Variants in KIAA1217 observed in about 807,000 individuals in gnomAD.
KIAA1217 encodes KIAA1217.
In KIAA1217, 88 loss-of-function variants were observed where a neutral mutation model predicts 163.9. That is an observed-to-expected ratio of 0.54 (90% CI 0.45 to 0.64). The LOEUF (loss-of-function observed/expected upper bound fraction) is 0.64. Among genes scored for constraint, KIAA1217 ranks in the 30% least tolerant of loss-of-function variants. The pLI is 0.00. For missense variants in KIAA1217, 2,372 were observed against 2,475.0 expected, an observed-to-expected ratio of 0.96 and a Z score of 0.88; for synonymous variants, 903 against 923.1, an observed-to-expected ratio of 0.98 and a Z score of 0.39.
intron 2 of KIAA1217, among the ~76,000 whole-genome samples, chr10:24,196,669 A>C (rs968810904): frequency 1.3e-5 from 2 of 152,184 alleles, no homozygotes; most frequent in Non-Finnish European, 2.9e-5. Flanking sequence ...TGCTGGTGAC[A>C]GTTGCGTCCC....
intron 3 of KIAA1217, among the ~76,000 whole-genome samples, chr10:24,388,302 G>T (rs1321794124): frequency 6.6e-6 from 1 of 152,164 alleles, no homozygotes; most frequent in Non-Finnish European, 1.5e-5. Context: ...CAAGCAATGG[G>T]GAAAGGATTC....
chr10:23,964,536 A>G (rs967000714), intron 1 of KIAA1217, among the ~76,000 whole-genome samples: 1 of 151,766 alleles, frequency 6.6e-6, no homozygotes, highest in African/African-American at 2.4e-5. Flanking sequence ...GTTTTCTTCT[A>G]GGGTTTTTAT....
intron 5 of KIAA1217, among the ~76,000 whole-genome samples, chr10:24,468,197 C>G (rs2063149755): frequency 6.6e-6 from 1 of 152,102 alleles, no homozygotes; most frequent in Non-Finnish European, 1.5e-5. Flanking sequence ...CAGTGATGTC[C>G]CCTTACCTTC....
At chr10:24,095,874 G>A (rs2062139186) in intron 2 of KIAA1217, among the ~76,000 whole-genome samples, 2 of 152,304 alleles carry the variant, frequency 1.3e-5, no homozygotes, top group South Asian at 2.1e-4. Flanking sequence ...GGGAGGCCAA[G>A]ATGGTAGGAT....
At chr10:23,858,642 C>T (rs1839815169) in intron 1 of KIAA1217, among the ~76,000 whole-genome samples, 1 of 152,086 alleles carries the variant, frequency 6.6e-6, no homozygotes, top group South Asian at 2.1e-4. Flanking sequence ...AGTCTAATTT[C>T]AGTCATAATC....
chr10:24,510,191 A>G (rs1319589761), intron 9 of KIAA1217, among the ~76,000 whole-genome samples: 1 of 152,182 alleles, frequency 6.6e-6, no homozygotes, highest in African/African-American at 2.4e-5. Flanking sequence ...TTCTAATCCT[A>G]ACTGTGCTCT....
chr10:23,977,187 G>A (rs1845577437), intron 1 of KIAA1217, among the ~76,000 whole-genome samples: 1 of 152,170 alleles, frequency 6.6e-6, no homozygotes, highest in African/African-American at 2.4e-5. Context: ...TGATTTGGTT[G>A]TAAGAAGAGA....
chr10:23,750,763 T>G (rs1385529142), intron 1 of KIAA1217, among the ~76,000 whole-genome samples: 1 of 152,144 alleles, frequency 6.6e-6, no homozygotes, highest in Non-Finnish European at 1.5e-5. Context: ...GTGGCACAAA[T>G]GCAGGAGGCT....
chr10:23,929,001 C>A (rs1843142570), intron 1 of KIAA1217, among the ~76,000 whole-genome samples: 1 of 152,118 alleles, frequency 6.6e-6, no homozygotes, highest in Non-Finnish European at 1.5e-5. Flanking sequence ...CCAGCGTACA[C>A]AAGCTTGGCA....
intron 2 of KIAA1217, among the ~76,000 whole-genome samples, chr10:24,185,602 C>A (rs2066390053): frequency 6.6e-6 from 1 of 151,990 alleles, no homozygotes; most frequent in Non-Finnish European, 1.5e-5. Context: ...CGAGACCAGC[C>A]TGGCCAACAT....
chr10:24,311,438 A>G (rs906310679), intron 2 of KIAA1217, among the ~76,000 whole-genome samples: 27 of 152,234 alleles, frequency 1.8e-4, no homozygotes, highest in Non-Finnish European at 2.9e-5. Context: ...TGAAGGAATC[A>G]GCGATGTTTG....
At chr10:24,533,948 A>G (rs1231942866) in intron 16 of KIAA1217, among the ~76,000 whole-genome samples, 1 of 152,220 alleles carries the variant, frequency 6.6e-6, no homozygotes, top group African/African-American at 2.4e-5. Flanking sequence ...TTGTCTCATC[A>G]GAGACATATA....
At chr10:23,700,322 C>T (rs548810232) in intron 1 of KIAA1217, among the ~76,000 whole-genome samples, 9 of 152,230 alleles carry the variant, frequency 5.9e-5, no homozygotes, top group African/African-American at 2.2e-4. Flanking sequence ...GCAGCCGAGA[C>T]CAAGCTGCAG....
intron 12 of KIAA1217, among the ~76,000 whole-genome samples, chr10:24,523,680 C>A (rs1441799626): frequency 6.6e-6 from 1 of 152,084 alleles, no homozygotes; most frequent in Non-Finnish European, 1.5e-5. Context: ...GCAAAAGCAC[C>A]TGAGGCTTAA....
intron 1 of KIAA1217, among the ~76,000 whole-genome samples, chr10:23,963,565 G>A (rs1438030646): frequency 5.3e-5 from 8 of 152,100 alleles, no homozygotes; most frequent in South Asian, 2.1e-4. Flanking sequence ...GAACAGTGCC[G>A]CAATAAACAT....
intron 6 of KIAA1217, among the ~76,000 whole-genome samples, chr10:24,479,741 A>G (rs183086630): frequency 5.9e-5 from 9 of 152,316 alleles, no homozygotes; most frequent in African/African-American, 1.9e-4. Context: ...TTTGTGCTGC[A>G]TCATAGCATG....
At chr10:24,299,529 G>T (rs909060027) in intron 2 of KIAA1217, among the ~76,000 whole-genome samples, 3 of 152,056 alleles carry the variant, frequency 2.0e-5, no homozygotes, top group Admixed American at 6.6e-5. Flanking sequence ...CTCCCAAGTA[G>T]CTGAGACCAT....
chr10:23,743,844 T>A (rs1296668844), intron 1 of KIAA1217, among the ~76,000 whole-genome samples: 2 of 152,114 alleles, frequency 1.3e-5, no homozygotes, highest in Non-Finnish European at 2.9e-5. Context: ...ATTGGGCTGA[T>A]GTTTGAATGT....
chr10:23,857,061 G>A (rs900597159), intron 1 of KIAA1217, among the ~76,000 whole-genome samples: 14 of 152,188 alleles, frequency 9.2e-5, no homozygotes, highest in Admixed American at 1.3e-4. Flanking sequence ...AGATGAACCC[G>A]GTACCTCAGA....
Sources: gnomAD v4.1 joint callset for allele counts (sites outside exome capture counted in the v4.1 genomes callset) on GRCh38, gnomAD v4.1.1 for gene constraint, MANE v1.5 for transcripts, NCBI Gene and HGNC (gene_info 2026-07-23, HGNC 2026-07-21) for gene names.